SMAD9: variants seen among roughly 807,000 people sequenced by gnomAD.
SMAD9 encodes MAD homolog 9.
Under a neutral mutation model 46.1 loss-of-function variants are expected in SMAD9, and 36 were observed. That is an observed-to-expected ratio of 0.78 (90% confidence interval 0.60 to 1.03). The LOEUF (loss-of-function observed/expected upper bound fraction) is 1.03, where lower values mean the gene tolerates loss of function less well. Ranked by LOEUF, SMAD9 falls within the 50% of genes least tolerant of loss-of-function variation. The pLI, the probability that SMAD9 is intolerant of heterozygous loss-of-function variation, is 0.00. For missense variants in SMAD9, 572 were observed against 599.8 expected, an observed-to-expected ratio of 0.95 and a Z score of 0.48; for synonymous variants, 245 against 237.1, an observed-to-expected ratio of 1.03 and a Z score of -0.31.
At chr13:36,893,060 T>C (rs560258362) in intron 1 of SMAD9, among the ~76,000 whole-genome samples, 30 of 152,284 alleles carry the variant, frequency 2.0e-4, no homozygotes, top group African/African-American at 7.0e-4. Context: ...TTTATAGAAA[T>C]AGTTGGTTCA....
chr13:36,877,546 CT>C (rs2058357125), intron 2 of SMAD9, among the ~76,000 whole-genome samples: 1 of 151,916 alleles, frequency 6.6e-6, no homozygotes, highest in African/African-American at 2.4e-5. Flanking sequence ...ATTTTGGATG[CT>C]TAATGTAATT....
intron 5 of SMAD9, among the ~76,000 whole-genome samples, chr13:36,863,387 T>A (rs1336649201): frequency 6.6e-6 from 1 of 152,226 alleles, no homozygotes; most frequent in Non-Finnish European, 1.5e-5. Context: ...TGAGTACCCT[T>A]GCATCGAGGG....
intron 1 of SMAD9, among the ~76,000 whole-genome samples, chr13:36,882,916 A>C (rs2058415937): frequency 6.6e-6 from 1 of 152,142 alleles, no homozygotes; most frequent in South Asian, 2.1e-4. Flanking sequence ...GTGAGCTATG[A>C]CTGCACCACT....
rs1593548483 is a variant in SMAD9 at position 36,853,565 on chromosome 13, T to C, written c.1114A>G (p.Thr372Ala). The stretch of plus-strand genomic sequence containing the variant: ...CAGCCGCTGGGGATCTTGCAGACGG[T>C]AGCTGGGTGGAAGCCGTGTTGATAG... The part of the protein sequence containing the change: ...CNYQHGFHPA[T>A]VCKIPSGCSL... The change falls in exon 6 of 7, where the codon ACC (threonine) becomes GCC (alanine). Residue 372 changes from threonine (T) to alanine (A), a missense_variant. Thr to Ala is a moderately conservative substitution (Grantham distance 58, BLOSUM62 0). Transcript: ENST00000379826. 1 of 1,614,048 alleles carries C rather than the reference T, an allele frequency of 6.2e-7. No individual in the cohort carries two copies. The highest frequency in any genetic ancestry group is 1.3e-5 in the African/African-American group (1 of 74,926).
chr13:36,862,434 C>T (rs933280325), intron 5 of SMAD9, among the ~76,000 whole-genome samples: 2 of 152,118 alleles, frequency 1.3e-5, no homozygotes, highest in Non-Finnish European at 2.9e-5. Flanking sequence ...CATCAGCATG[C>T]TAAAAGACAC....
rs146179112 is a variant in SMAD9, at chr13:36,884,888, C to T, written c.-186-5013G>A. 2.0e-5 allele frequency among the ~76,000 whole-genome samples: 3 copies of T among 152,366 alleles called. No individual in the cohort carries two copies. The East Asian group carries it at 5.8e-4, about 29-fold the overall frequency. On this transcript the variant is annotated intron_variant, in intron 1 of 6. Coordinates refer to ENST00000379826, the MANE Select transcript of SMAD9 (RefSeq NM_001127217.3). Reference sequence around the variant, plus strand: ...GGGTCAATGTGGCCAAGGCCTCCATCACCTACCAGGGTGCACAATGCGCTC... The same window carrying T: ...GGGTCAATGTGGCCAAGGCCTCCATTACCTACCAGGGTGCACAATGCGCTC...
chr13:36,906,465 C>A (rs2138668090), intron 1 of SMAD9, among the ~76,000 whole-genome samples: 1 of 151,946 alleles, frequency 6.6e-6, no homozygotes, highest in Middle Eastern at 3.4e-3. Flanking sequence ...GGATACACAT[C>A]CAGAATATAT....
chr13:36,888,787 G>C (rs543420126), intron 1 of SMAD9, among the ~76,000 whole-genome samples: 2 of 152,212 alleles, frequency 1.3e-5, no homozygotes, highest in Non-Finnish European at 2.9e-5. Context: ...TGGGAATACA[G>C]AGTGTTTGTG....
chr13:36,877,777 G>A (rs1193481712), intron 2 of SMAD9, among the ~76,000 whole-genome samples: 2 of 152,176 alleles, frequency 1.3e-5, no homozygotes, highest in African/African-American at 4.8e-5. Context: ...AATGGGCTGT[G>A]GGAGGCATCC....
chr13:36,896,978 A>G lies in SMAD9; in HGVS notation c.-186-17103T>C, dbSNP rs7998150. ...CAATACTTTCTTATGCCATAATTTG[A>G]AAAAAAAAACAGATTTAGAACACTC... is the stretch of plus-strand genomic sequence containing the variant. On this transcript the variant is annotated intron_variant, in intron 1 of 6. Coordinates refer to ENST00000379826, the MANE Select transcript of SMAD9 (RefSeq NM_001127217.3). 2.9e-3 allele frequency among the ~76,000 whole-genome samples: 431 copies of G among 146,144 alleles called. 5 individuals carry two copies. The highest frequency in any genetic ancestry group is 0.011 in the African/African-American group (417 of 38,756).
At chr13:36,895,201 T>C (rs970562788) in intron 1 of SMAD9, among the ~76,000 whole-genome samples, 1 of 152,190 alleles carries the variant, frequency 6.6e-6, no homozygotes, top group South Asian at 2.1e-4. Flanking sequence ...TATACCCATA[T>C]GTACCAATGA....
At chr13:36,868,892 A>T (rs539921846) in intron 3 of SMAD9, among the ~76,000 whole-genome samples, 5 of 152,324 alleles carry the variant, frequency 3.3e-5, no homozygotes, top group Admixed American at 3.3e-4. Context: ...TAATGAATTG[A>T]TTTTTTAAAA....
Position 36,859,849 on chromosome 13 carries a change from A to C in SMAD9, c.1003+5688T>G, listed in dbSNP as rs571794256. On this transcript the variant is annotated intron_variant, in intron 5 of 6. Coordinates refer to ENST00000379826, the MANE Select transcript of SMAD9 (RefSeq NM_001127217.3). ...GTGGCACATGCCTGTAATCTCAGCT[A>C]CTCAGGAGGCTGAGGCAGGAGAATC... Among the ~76,000 whole-genome samples the C allele has an allele frequency of 2.6e-5, 4 of 152,040 alleles. No individual in the cohort carries two copies. In the East Asian group the frequency reaches 7.7e-4, roughly 29 times the overall value.
chr13:36,862,896 G>A (rs1566017357), intron 5 of SMAD9, among the ~76,000 whole-genome samples: 1 of 152,196 alleles, frequency 6.6e-6, no homozygotes, highest in Non-Finnish European at 1.5e-5. Flanking sequence ...TGGACATACT[G>A]TATGTTGTAT....
chr13:36,865,046 G>C (rs1166116402), intron 5 of SMAD9, among the ~76,000 whole-genome samples: 1 of 152,172 alleles, frequency 6.6e-6, no homozygotes, highest in Non-Finnish European at 1.5e-5. Context: ...CAATCAGCCT[G>C]CACACAGGAG....
intron 2 of SMAD9, among the ~76,000 whole-genome samples, chr13:36,877,619 CTTTT>C (rs559530689): frequency 6.7e-6 from 1 of 148,866 alleles, no homozygotes; most frequent in African/African-American, 2.5e-5. Context: ...ACATTATTGA[CTTTT>C]TTTTTTAAGT....
At chr13:36,890,266 T>C (rs1170779835) in intron 1 of SMAD9, among the ~76,000 whole-genome samples, 1 of 145,818 alleles carries the variant, frequency 6.9e-6, no homozygotes, top group East Asian at 1.9e-4. Context: ...ACTTTTAAAA[T>C]GCATTGTGCT....
intron 1 of SMAD9, among the ~76,000 whole-genome samples, chr13:36,882,481 G>A (rs770227492): frequency 1.2e-4 from 19 of 152,040 alleles, no homozygotes; most frequent in Non-Finnish European, 2.4e-4. Context: ...GAAACATCTC[G>A]GGTCTCTGCA....
At chr13:36,904,565 C>T (rs1473857370) in intron 1 of SMAD9, among the ~76,000 whole-genome samples, 2 of 152,168 alleles carry the variant, frequency 1.3e-5, no homozygotes, top group Admixed American at 6.5e-5. Context: ...AAATACATTG[C>T]CTCAGGCAAT....
Sources: gnomAD v4.1 joint callset for allele counts (sites outside exome capture counted in the v4.1 genomes callset) on GRCh38, gnomAD v4.1.1 for gene constraint, MANE v1.5 for transcripts, NCBI Gene and HGNC (gene_info 2026-07-23, HGNC 2026-07-21) for gene names.